ACTR3C: variants seen among roughly 807,000 people sequenced by gnomAD.
The protein encoded by ACTR3C is actin-related protein 3C.
Under a neutral mutation model 26.3 loss-of-function variants are expected in ACTR3C, and 18 were observed. That is an observed-to-expected ratio of 0.68 (90% CI 0.47 to 1.01). The LOEUF is 1.01. ACTR3C is among the 50% of genes least tolerant of loss of function. The probability of loss-of-function intolerance (pLI) is 0.00; values close to 1 mark genes in which losing one functional copy is unlikely to be tolerated. For synonymous variants in ACTR3C, 55 were observed against 94.5 expected (o/e 0.58, Z 2.42); for missense variants, 184 against 250.7 (o/e 0.73, Z 1.80).
chr7:150,261,111 A>G (rs1416341200), intron 6 of ACTR3C, among the ~76,000 whole-genome samples: 2 of 152,250 alleles, frequency 1.3e-5, no homozygotes, highest in African/African-American at 4.8e-5. Flanking sequence ...TAACAATTAT[A>G]ATTTCAAAGT....
the ACTR3C span, among the ~76,000 whole-genome samples, chr7:150,169,649 T>G: frequency 0.049 from 7,374 of 150,644 alleles, 520 homozygotes; most frequent in East Asian, 0.1. Flanking sequence ...TGAGTCAGCT[T>G]GCTAGAAGGC....
chr7:150,186,817 G>A, the ACTR3C span, among the ~76,000 whole-genome samples: 1 of 152,050 alleles, frequency 6.6e-6, no homozygotes, highest in Non-Finnish European at 1.5e-5. Flanking sequence ...TGTGAATTGT[G>A]TTTGTGTACC....
At chr7:150,163,505 A>G in the ACTR3C span, among the ~76,000 whole-genome samples, 3 of 151,536 alleles carry the variant, frequency 2.0e-5, no homozygotes, top group African/African-American at 7.3e-5. Flanking sequence ...ATATAAAAGG[A>G]GATTTTACAT....
the ACTR3C span, among the ~76,000 whole-genome samples, chr7:149,899,201 T>G: frequency 6.6e-6 from 1 of 151,428 alleles, no homozygotes; most frequent in East Asian, 2.0e-4. Context: ...ACTTTAAAAC[T>G]CTCACCGTGG....
chr7:150,243,056 A>T (rs397833633), downstream of ACTR3C, among the ~76,000 whole-genome samples: 19 of 152,276 alleles, frequency 1.2e-4, no homozygotes, highest in African/African-American at 4.1e-4. Flanking sequence ...GAGAGTTATT[A>T]CATTTACTGT....
the ACTR3C span, among the ~76,000 whole-genome samples, chr7:150,059,246 AG>A: frequency 6.6e-6 from 1 of 152,214 alleles, no homozygotes; most frequent in Non-Finnish European, 1.5e-5. Context: ...AGCTCCCGAG[AG>A]GGCCAATCAG....
chr7:150,291,173 G>T (rs571263510), intron 3 of ACTR3C, among the ~76,000 whole-genome samples: 76 of 152,334 alleles, frequency 5.0e-4, no homozygotes, highest in African/African-American at 1.7e-3. Context: ...GCTCACGCCT[G>T]TAATCCCAGC....
At chr7:150,096,062 G>A in the ACTR3C span, among the ~76,000 whole-genome samples, 410 of 148,190 alleles carry the variant, frequency 2.8e-3, 21 homozygotes, top group African/African-American at 0.01. Flanking sequence ...AAAGAACAAC[G>A]ATTTATCATT....
chr7:150,248,277 C>G (rs1458181796), intron 7 of ACTR3C: 4 of 152,146 alleles, frequency 2.6e-5, no homozygotes, highest in Non-Finnish European at 5.9e-5. Flanking sequence ...TCTGCTCTCC[C>G]TTCCCTCCCG....
the ACTR3C span, chr7:150,044,950 A>G: frequency 6.6e-6 from 1 of 152,226 alleles, no homozygotes; most frequent in Non-Finnish European, 1.5e-5. Flanking sequence ...CGCTAAGCCA[A>G]GAGAAGGTTT....
chr7:149,925,653 CCACA>C, the ACTR3C span, among the ~76,000 whole-genome samples: 1 of 151,846 alleles, frequency 6.6e-6, no homozygotes, highest in Admixed American at 6.6e-5. Context: ...ACAGCCATAG[CCACA>C]CACACACAAA....
At chr7:150,087,197 A>G in the ACTR3C span, among the ~76,000 whole-genome samples, 154 of 151,174 alleles carry the variant, frequency 1.0e-3, no homozygotes, top group South Asian at 1.7e-3. Context: ...AAAAAAAAAA[A>G]AAAAAAAGAA....
At chr7:150,169,388 G>GAAAAAAAA in the ACTR3C span, among the ~76,000 whole-genome samples, 4 of 120,140 alleles carry the variant, frequency 3.3e-5, no homozygotes, top group African/African-American at 3.4e-5. Flanking sequence ...ATTTCAAAAG[G>GAAAAAAAA]AAAAAAAAAA....
At chr7:150,035,953 C>CGG in the ACTR3C span, among the ~76,000 whole-genome samples, 1 of 134,192 alleles carries the variant, frequency 7.5e-6, no homozygotes. Flanking sequence ...TCCTCAGAGC[C>CGG]AGGGCGGGAA....
chr7:150,229,600 T>G, the ACTR3C span, among the ~76,000 whole-genome samples: 1 of 151,770 alleles, frequency 6.6e-6, no homozygotes, highest in South Asian at 2.1e-4. Context: ...TTCTCCTGAC[T>G]CAGCCTCCTG....
chr7:150,093,646 C>G, the ACTR3C span, among the ~76,000 whole-genome samples: 1 of 150,814 alleles, frequency 6.6e-6, no homozygotes, highest in African/African-American at 2.5e-5. Context: ...TGACTAGGCT[C>G]TGTACACAGC....
intron 1 of ACTR3C, among the ~76,000 whole-genome samples, chr7:150,300,433 A>G (rs1795364775): frequency 6.6e-6 from 1 of 152,208 alleles, no homozygotes; most frequent in Non-Finnish European, 1.5e-5. Context: ...CCCCTGGAAC[A>G]TGAACAATCA....
the ACTR3C span, among the ~76,000 whole-genome samples, chr7:150,149,341 G>A: frequency 2.0e-5 from 3 of 151,666 alleles, no homozygotes; most frequent in Non-Finnish European, 4.4e-5. Context: ...TGATGCACTA[G>A]TGTTTTTTTT....
At chr7:150,172,836 A>G in the ACTR3C span, among the ~76,000 whole-genome samples, 1 of 150,690 alleles carries the variant, frequency 6.6e-6, no homozygotes. Context: ...TACAGGGCCC[A>G]TGCAAGTCTG....
Sources: allele counts gnomAD v4.1 joint callset (sites outside exome capture counted in the v4.1 genomes callset), GRCh38; gene constraint gnomAD v4.1.1; transcripts MANE v1.5; gene names NCBI Gene and HGNC (gene_info 2026-07-23, HGNC 2026-07-21).